The following LAMC1 variants were observed in gnomAD, a reference collection of about 807,000 sequenced individuals.
LAMC1 encodes laminin subunit gamma 1.
Under a neutral mutation model 173.6 loss-of-function variants are expected in LAMC1, and 38 were observed. That is an observed-to-expected ratio of 0.22 (90% CI 0.17 to 0.29). The LOEUF is 0.29. Ranked by LOEUF, LAMC1 falls within the 10% of genes least tolerant of loss-of-function variation. The probability of loss-of-function intolerance (pLI) is 1.00; values close to 1 mark genes in which losing one functional copy is unlikely to be tolerated. For missense variants in LAMC1, 1,824 were observed against 2,051.8 expected (o/e 0.89, Z 2.14); for synonymous variants, 746 against 749.1 (o/e 1.00, Z 0.07).
intron 1 of LAMC1, among the ~76,000 whole-genome samples, chr1:183,095,849 T>A (rs1032379763): frequency 1.3e-5 from 2 of 152,210 alleles, no homozygotes; most frequent in African/African-American, 4.8e-5. Context: ...ATGGCAAAGA[T>A]GTGCAGATTA....
At chr1:183,124,148 G>A (rs1042852446) in intron 13 of LAMC1, among the ~76,000 whole-genome samples, 2 of 152,178 alleles carry the variant, frequency 1.3e-5, no homozygotes, top group East Asian at 3.8e-4. Context: ...CCCTGATTCT[G>A]TACCAATTGA....
At chr1:183,026,211 A>G (rs1409124173) in intron 1 of LAMC1, among the ~76,000 whole-genome samples, 2 of 152,154 alleles carry the variant, frequency 1.3e-5, no homozygotes, top group Non-Finnish European at 2.9e-5. Flanking sequence ...GTTAAAAGTT[A>G]AAGTATTTTC....
At chr1:183,137,615 CT>C in intron 25 of LAMC1, 53 bp from the exon 26 acceptor site, 1 of 1,281,460 alleles carries the variant, frequency 7.8e-7, no homozygotes, top group Non-Finnish European at 1.1e-6. Context: ...CGGGAGCATA[CT>C]TGAGAAAAAG....
At chr1:183,053,493 G>A (rs868597983) in intron 1 of LAMC1, among the ~76,000 whole-genome samples, 10 of 152,050 alleles carry the variant, frequency 6.6e-5, no homozygotes, top group Middle Eastern at 6.8e-3. Flanking sequence ...TGAATGGTAA[G>A]GGTCTGATTC....
chr1:183,081,793 CTCTT>C (rs1207626431), intron 1 of LAMC1, among the ~76,000 whole-genome samples: 1 of 152,118 alleles, frequency 6.6e-6, no homozygotes, highest in Admixed American at 6.5e-5. Flanking sequence ...TTTAGGCTCT[CTCTT>C]GGTGTTGTGC....
intron 1 of LAMC1, among the ~76,000 whole-genome samples, chr1:183,097,699 C>G (rs1452830653): frequency 2.0e-5 from 3 of 152,192 alleles, no homozygotes; most frequent in African/African-American, 7.2e-5. Flanking sequence ...TGGCTTGGTC[C>G]CACATGAACA....
intron 1 of LAMC1, among the ~76,000 whole-genome samples, chr1:183,080,949 C>T (rs1250951688): frequency 2.0e-5 from 3 of 152,064 alleles, no homozygotes; most frequent in Admixed American, 1.3e-4. Context: ...AGTGCGCTGG[C>T]GCGATCTTGG....
intron 1 of LAMC1, among the ~76,000 whole-genome samples, chr1:183,055,820 GA>G (rs142967285): frequency 6.2e-5 from 9 of 145,786 alleles, no homozygotes; most frequent in African/African-American, 1.3e-4. Flanking sequence ...TCAAAAAAAA[GA>G]AAAAAAAAAG....
intron 1 of LAMC1, among the ~76,000 whole-genome samples, chr1:183,045,370 T>A (rs2102018575): frequency 6.6e-6 from 1 of 152,214 alleles, no homozygotes; most frequent in African/African-American, 2.4e-5. Flanking sequence ...TTTTATGTTT[T>A]AGTCTTTTGC....
Position 183,136,889 on chromosome 1 carries a change from C to T in LAMC1, c.4314+304C>T, listed in dbSNP as rs910090353. On this transcript the variant is annotated intron_variant, in intron 25 of 27. Coordinates refer to ENST00000258341, the MANE Select transcript of LAMC1 (RefSeq NM_002293.4). ...AAAAATCAGACTTTTTCTAAATAAA[C>T]ATTCTTCTTTGACCTAGACAGGTGG... Among the ~76,000 whole-genome samples the T allele has an allele frequency of 3.3e-5, 5 of 152,186 alleles. No individual in the cohort carries two copies. The East Asian group carries it at 9.7e-4, about 29-fold the overall frequency.
chr1:183,029,477 G>T (rs919905889), intron 1 of LAMC1, among the ~76,000 whole-genome samples: 2 of 152,176 alleles, frequency 1.3e-5, no homozygotes, highest in Non-Finnish European at 2.9e-5. Flanking sequence ...ATTCTGCAGT[G>T]GTTCCTCAAG....
chr1:183,040,160 G>C (rs1654089257), intron 1 of LAMC1, among the ~76,000 whole-genome samples: 1 of 152,200 alleles, frequency 6.6e-6, no homozygotes, highest in Non-Finnish European at 1.5e-5. Flanking sequence ...AAGAGAACTT[G>C]TGTTTGAAAT....
At chr1:183,113,842 G>A (rs918506494) in intron 4 of LAMC1, among the ~76,000 whole-genome samples, 2 of 152,178 alleles carry the variant, frequency 1.3e-5, no homozygotes, top group African/African-American at 4.8e-5. Flanking sequence ...ATGGCACTTT[G>A]TTTTTGGAGT....
chr1:183,131,793 C>T (rs1469666493), intron 20 of LAMC1, among the ~76,000 whole-genome samples: 2 of 152,140 alleles, frequency 1.3e-5, no homozygotes, highest in Admixed American at 1.3e-4. Context: ...ATGTACATTA[C>T]TCTCAAATAA....
chr1:183,064,464 C>T (rs1034831729), intron 1 of LAMC1, among the ~76,000 whole-genome samples: 1 of 152,124 alleles, frequency 6.6e-6, no homozygotes, highest in African/African-American at 2.4e-5. Flanking sequence ...GTCACAAAAA[C>T]ATAACCAAAC....
intron 1 of LAMC1, among the ~76,000 whole-genome samples, chr1:183,051,833 C>T (rs192397976): frequency 2.9e-4 from 44 of 152,298 alleles, no homozygotes; most frequent in East Asian, 1.7e-3. Flanking sequence ...ACCAAGTTAT[C>T]ACAGGGATCT....
At position 183,116,693 on chromosome 1, in the gene LAMC1, T is replaced by TA; in HGVS notation, c.1427+19dup. ...TGTGAAAGGTAGTGCATTCTTTCTCTAGCTGCATTGTGTTTTCTGTTACCA... is the reference window on the plus strand; with the variant it reads ...TGTGAAAGGTAGTGCATTCTTTCTCTAAGCTGCATTGTGTTTTCTGTTACCA... On this transcript the variant is annotated intron_variant, in intron 7 of 27. Transcript: ENST00000258341. The TA allele has an allele frequency of 6.2e-7, 1 of 1,608,378 alleles. No homozygotes were observed. Among genetic ancestry groups the TA allele is most frequent in the Non-Finnish European group, 8.5e-7 (1 of 1,174,818 alleles).
At chr1:183,134,959 C>T (rs1254959841) in intron 23 of LAMC1, 83 bp from the exon 24 acceptor site, 12 of 1,353,494 alleles carry the variant, frequency 8.9e-6, no homozygotes, top group Non-Finnish European at 1.1e-5. Flanking sequence ...CTCAGGGTGG[C>T]ACCTCTGGAG....
At chr1:183,083,623 A>T (rs948182904) in intron 1 of LAMC1, among the ~76,000 whole-genome samples, 1 of 152,224 alleles carries the variant, frequency 6.6e-6, no homozygotes, top group African/African-American at 2.4e-5. Context: ...GAAGTTTTTT[A>T]AAAAGGTTTT....
Sources: gnomAD v4.1 joint callset for allele counts (sites outside exome capture counted in the v4.1 genomes callset) on GRCh38, gnomAD v4.1.1 for gene constraint, MANE v1.5 for transcripts, NCBI Gene and HGNC (gene_info 2026-07-23, HGNC 2026-07-21) for gene names.